Variants in FYB1 observed in about 807,000 individuals in gnomAD.
FYB1 encodes FYN-binding protein 1.
Under a neutral mutation model 94.1 loss-of-function variants are expected in FYB1, and 41 were observed. That is an observed-to-expected ratio of 0.44 (90% CI 0.34 to 0.57). The LOEUF is 0.57. FYB1 is among the 20% of genes least tolerant of loss of function. The pLI is 0.02. For synonymous variants in FYB1, 367 were observed against 353.2 expected, an observed-to-expected ratio of 1.04 and a Z score of -0.44; for missense variants, 1,050 against 976.8, an observed-to-expected ratio of 1.07 and a Z score of -1.00.
intron 8 of FYB1, 56 bp from the exon 9 acceptor site, chr5:39,134,405 T>C (rs1741474761): frequency 1.4e-6 from 2 of 1,383,448 alleles, no homozygotes; most frequent in East Asian, 4.7e-5. Flanking sequence ...TATTTTAAAG[T>C]TGTGAATAAA....
chr5:39,168,798 T>C (rs1043821235), intron 2 of FYB1, among the ~76,000 whole-genome samples: 1 of 128,792 alleles, frequency 7.8e-6, no homozygotes, highest in Non-Finnish European at 1.6e-5. Context: ...TAATCATTCA[T>C]ATTAATTCCT....
At chr5:39,154,149 C>T (rs998496338) in intron 2 of FYB1, among the ~76,000 whole-genome samples, 5 of 152,114 alleles carry the variant, frequency 3.3e-5, no homozygotes, top group African/African-American at 1.2e-4. Context: ...CACACATACA[C>T]ACAGTGTTTT....
chr5:39,162,253 G>A (rs1416809211), intron 2 of FYB1, among the ~76,000 whole-genome samples: 1 of 152,132 alleles, frequency 6.6e-6, no homozygotes, highest in East Asian at 1.9e-4. Flanking sequence ...ACTCTGGATT[G>A]TTGCTTATTT....
chr5:39,237,296 G>A (rs897033818), intron 1 of FYB1, among the ~76,000 whole-genome samples: 1 of 151,986 alleles, frequency 6.6e-6, no homozygotes, highest in Admixed American at 6.6e-5. Flanking sequence ...TGAGATGACC[G>A]GCTTGCTGAA....
At chr5:39,145,086 TTTATAG>T (rs1284507646) in intron 3 of FYB1, among the ~76,000 whole-genome samples, 1 of 152,026 alleles carries the variant, frequency 6.6e-6, no homozygotes, top group African/African-American at 2.4e-5. Context: ...TGGCCATGAG[TTTATAG>T]TTGTCGAAGT....
chr5:39,222,434 T>C (rs1750308305), upstream of FYB1, among the ~76,000 whole-genome samples: 1 of 152,218 alleles, frequency 6.6e-6, no homozygotes, highest in Non-Finnish European at 1.5e-5. Flanking sequence ...TCTTTTTTAA[T>C]GCATTTGTCC....
Position 39,138,706 on chromosome 5 carries a change from A to G in FYB1, c.1360-15T>C, listed in dbSNP as rs766943493. On this transcript the variant is annotated splice_polypyrimidine_tract_variant and intron_variant, in intron 5 of 18. Coordinates refer to ENST00000512982, the MANE Select transcript of FYB1 (RefSeq NM_001465.6). ...CTGTCTTGTTCCTGTAAAGAAAAAC[A>G]TTGATAATGATTAATTTTTATTATT... 2.2e-6 allele frequency: 3 copies of G among 1,391,634 alleles called. No homozygotes were observed. The highest frequency in any genetic ancestry group is 3.0e-6 in the Non-Finnish European group (3 of 989,088). The allele number at this position is 1,391,634 out of a possible 1,614,324, so 86.2% of individuals were successfully genotyped here.
intron 2 of FYB1, among the ~76,000 whole-genome samples, chr5:39,165,815 G>A (rs1744676073): frequency 6.6e-6 from 1 of 152,118 alleles, no homozygotes; most frequent in African/African-American, 2.4e-5. Context: ...GTGGGCAAAG[G>A]ACATTGAACA....
At chr5:39,168,068 A>G (rs939070640) in intron 2 of FYB1, among the ~76,000 whole-genome samples, 4 of 152,260 alleles carry the variant, frequency 2.6e-5, no homozygotes, top group African/African-American at 9.6e-5. Flanking sequence ...TAGTCAAACT[A>G]GATGTGTCTC....
chr5:39,147,921 C>T (rs1742824710), intron 3 of FYB1, among the ~76,000 whole-genome samples: 1 of 150,328 alleles, frequency 6.7e-6, no homozygotes. Context: ...ACCTTGTGAT[C>T]TGCTCTCCTC....
intron 1 of FYB1, among the ~76,000 whole-genome samples, chr5:39,209,666 T>C (rs1435260891): frequency 6.6e-6 from 1 of 152,186 alleles, no homozygotes; most frequent in Non-Finnish European, 1.5e-5. Flanking sequence ...TACATGTGTG[T>C]TCTCTGTTTC....
intron 2 of FYB1, among the ~76,000 whole-genome samples, chr5:39,181,280 T>C (rs78005661): frequency 6.6e-6 from 1 of 152,356 alleles, no homozygotes; most frequent in East Asian, 1.9e-4. Flanking sequence ...TTTGTGCTTA[T>C]ATAGCGTATA....
intron 14 of FYB1, among the ~76,000 whole-genome samples, chr5:39,120,290 A>G (rs1231213895): frequency 6.6e-6 from 1 of 151,400 alleles, no homozygotes; most frequent in Non-Finnish European, 1.5e-5. Flanking sequence ...GAGAGGGAGA[A>G]AGTAAGAAAG....
intron 2 of FYB1, among the ~76,000 whole-genome samples, chr5:39,179,383 A>G (rs1221187270): frequency 6.6e-6 from 1 of 152,118 alleles, no homozygotes; most frequent in Non-Finnish European, 1.5e-5. Flanking sequence ...AGAGTAAGAA[A>G]AAAAATAATG....
chr5:39,119,222 T>A (rs909734857), intron 15 of FYB1, among the ~76,000 whole-genome samples, 186 bp from the exon 16 acceptor site: 1 of 152,104 alleles, frequency 6.6e-6, no homozygotes, highest in Non-Finnish European at 1.5e-5. Context: ...CAACCTAATA[T>A]AATAATTATT....
At chr5:39,207,057 C>T (rs913714910) in intron 1 of FYB1, among the ~76,000 whole-genome samples, 1 of 152,072 alleles carries the variant, frequency 6.6e-6, no homozygotes, top group African/African-American at 2.4e-5. Context: ...TTTGCAGAAC[C>T]TTTTTAACTT....
chr5:39,165,579 G>A (rs954154874), intron 2 of FYB1, among the ~76,000 whole-genome samples: 9 of 152,112 alleles, frequency 5.9e-5, no homozygotes, highest in African/African-American at 2.2e-4. Context: ...ATTAGCCTAG[G>A]CAAAAATTCA....
At chr5:39,220,725 A>T (rs115001088), upstream of FYB1, among the ~76,000 whole-genome samples, 2,326 of 152,290 alleles carry the variant, frequency 0.015, 29 homozygotes, top group Non-Finnish European at 0.023. Context: ...AATCTTACAG[A>T]CGTTATGCCA....
At chr5:39,180,140 T>C (rs766760488) in intron 2 of FYB1, among the ~76,000 whole-genome samples, 1 of 152,206 alleles carries the variant, frequency 6.6e-6, no homozygotes, top group Non-Finnish European at 1.5e-5. Context: ...ACCTAGCACA[T>C]GGTTGGTGTT....
Sources: gnomAD v4.1 joint callset for allele counts (sites outside exome capture counted in the v4.1 genomes callset) on GRCh38, gnomAD v4.1.1 for gene constraint, MANE v1.5 for transcripts, NCBI Gene and HGNC (gene_info 2026-07-23, HGNC 2026-07-21) for gene names.